DNM3: variants seen among roughly 807,000 people sequenced by gnomAD.
The protein encoded by DNM3 is dynamin-3.
In DNM3, 47 loss-of-function variants were observed where a neutral mutation model predicts 101.6. The observed-to-expected ratio is 0.46, with a 90% confidence interval of 0.37 to 0.59. The LOEUF (loss-of-function observed/expected upper bound fraction) is 0.59. Among genes scored for constraint, DNM3 ranks in the 20% least tolerant of loss-of-function variants. DNM3 has a pLI of 0.00. For synonymous variants in DNM3, 385 were observed against 387.9 expected, an observed-to-expected ratio of 0.99 and a Z score of 0.09; for missense variants, 849 against 1,085.7, an observed-to-expected ratio of 0.78 and a Z score of 3.06.
intron 1 of DNM3, among the ~76,000 whole-genome samples, chr1:171,897,079 A>ATT (rs1015748899): frequency 3.9e-5 from 6 of 152,044 alleles, no homozygotes; most frequent in Non-Finnish European, 8.8e-5. Flanking sequence ...ATATATATAT[A>ATT]TTTTTTAGCA....
intron 4 of DNM3, among the ~76,000 whole-genome samples, chr1:172,009,125 A>ATATAT (rs2046939965): frequency 7.5e-6 from 1 of 133,560 alleles, no homozygotes; most frequent in Admixed American, 8.0e-5. Context: ...ATCATATAAT[A>ATATAT]TATATATTTA....
chr1:171,968,786 G>GA (rs879870630), intron 2 of DNM3, among the ~76,000 whole-genome samples: 1 of 151,612 alleles, frequency 6.6e-6, no homozygotes, highest in Non-Finnish European at 1.5e-5. Context: ...TATACTAAGG[G>GA]AAAAAAAATG....
chr1:171,927,112 T>C (rs1188742974), intron 2 of DNM3, among the ~76,000 whole-genome samples: 3 of 152,210 alleles, frequency 2.0e-5, no homozygotes, highest in Non-Finnish European at 4.4e-5. Context: ...AAATTATCTC[T>C]ATTTGAAGAT....
At chr1:171,851,432 CAG>C (rs149121001) in intron 1 of DNM3, among the ~76,000 whole-genome samples, 2,215 of 152,238 alleles carry the variant, frequency 0.015, 58 homozygotes, top group African/African-American at 0.048. Context: ...TTTTTTGAGA[CAG>C]AGTCTCGCTC....
intron 1 of DNM3, among the ~76,000 whole-genome samples, chr1:171,899,565 G>A (rs2038119407): frequency 6.6e-6 from 1 of 152,164 alleles, no homozygotes; most frequent in South Asian, 2.1e-4. Context: ...TTTCCTAAAT[G>A]AAATAATATT....
intron 14 of DNM3, among the ~76,000 whole-genome samples, chr1:172,164,775 C>A (rs1172834235): frequency 6.6e-6 from 1 of 152,020 alleles, no homozygotes; most frequent in East Asian, 1.9e-4. Flanking sequence ...ACCATAGCCA[C>A]TCCTGCTCCT....
At chr1:171,884,366 C>A (rs1438359076) in intron 1 of DNM3, among the ~76,000 whole-genome samples, 1 of 152,284 alleles carries the variant, frequency 6.6e-6, no homozygotes, top group East Asian at 1.9e-4. Flanking sequence ...ATGCTGGACC[C>A]ATTAGGATTA....
intron 17 of DNM3, among the ~76,000 whole-genome samples, 188 bp from the exon 18 acceptor site, chr1:172,378,830 T>C (rs2068744142): frequency 6.6e-6 from 1 of 152,000 alleles, no homozygotes; most frequent in South Asian, 2.1e-4. Flanking sequence ...AGGCTAAAAA[T>C]TGAGTAATAA....
chr1:172,212,859 G>A (rs542685537), intron 14 of DNM3, among the ~76,000 whole-genome samples: 1 of 152,074 alleles, frequency 6.6e-6, no homozygotes, highest in Non-Finnish European at 1.5e-5. Context: ...AGTGCTTTTT[G>A]ACTGATGTAC....
intron 13 of DNM3, among the ~76,000 whole-genome samples, chr1:172,097,937 G>A (rs1388348544): frequency 6.6e-6 from 1 of 152,142 alleles, no homozygotes; most frequent in East Asian, 1.9e-4. Context: ...AAGGGAGGGA[G>A]TGTACGAATA....
intron 1 of DNM3, among the ~76,000 whole-genome samples, chr1:171,868,758 A>G (rs2034999152): frequency 6.6e-6 from 1 of 152,182 alleles, no homozygotes; most frequent in Non-Finnish European, 1.5e-5. Context: ...GAGAAGGAAC[A>G]AAGATGCTTC....
intron 15 of DNM3, among the ~76,000 whole-genome samples, chr1:172,268,587 G>A (rs979550162): frequency 2.0e-5 from 3 of 151,948 alleles, no homozygotes; most frequent in Admixed American, 6.6e-5. Context: ...CAAAATTCTC[G>A]GCCCATTTGG....
intron 11 of DNM3, among the ~76,000 whole-genome samples, chr1:172,073,210 T>TA (rs1377482229): frequency 6.6e-6 from 1 of 151,888 alleles, no homozygotes; most frequent in African/African-American, 2.4e-5. Context: ...CATGTACATA[T>TA]ATGTATGTAT....
chr1:172,086,705 G>T (rs1359271980), intron 12 of DNM3, among the ~76,000 whole-genome samples: 1 of 152,108 alleles, frequency 6.6e-6, no homozygotes, highest in Non-Finnish European at 1.5e-5. Context: ...CAGCTTAGTG[G>T]TGACCTATGG....
chr1:172,049,708 T>C (rs1445675295), intron 10 of DNM3, among the ~76,000 whole-genome samples: 1 of 152,144 alleles, frequency 6.6e-6, no homozygotes, highest in Admixed American at 6.6e-5. Flanking sequence ...ATAATTCTGT[T>C]TTTGTTAGTT....
rs948495606 is a variant in DNM3, at chr1:172,412,459, C to A, written c.*4618C>A. 31 of 985,494 alleles carry A rather than the reference C, an allele frequency of 3.1e-5. No homozygotes were observed. Among genetic ancestry groups the A allele is most frequent in the African/African-American group, 3.5e-5 (2 of 57,170 alleles). The allele number at this position is 985,494 out of a possible 1,614,324, so 61.0% of individuals were successfully genotyped here. ...TTTCCCTTTTTTGGGTCAAATTTTT[C>A]TTTTGCTTTGTTTGAAGAAGGAATA... On this transcript the variant is annotated 3_prime_UTR_variant, in exon 21 of 21. Coordinates refer to ENST00000627582, the MANE Select transcript of DNM3 (RefSeq NM_015569.5).
chr1:172,265,015 T>C (rs902019621), intron 15 of DNM3, among the ~76,000 whole-genome samples: 1 of 152,136 alleles, frequency 6.6e-6, no homozygotes, highest in Non-Finnish European at 1.5e-5. Context: ...TACTGTAAGA[T>C]CATACAAATT....
At chr1:172,315,021 C>T (rs561162565) in intron 16 of DNM3, among the ~76,000 whole-genome samples, 1,642 of 152,090 alleles carry the variant, frequency 0.011, 29 homozygotes, top group African/African-American at 0.037. Context: ...CTCACACGGC[C>T]GGGTACTCCT....
chr1:172,243,820 T>G (rs1434399850), intron 14 of DNM3, among the ~76,000 whole-genome samples: 4 of 152,332 alleles, frequency 2.6e-5, no homozygotes, highest in Admixed American at 1.3e-4. Context: ...GATGCATAGT[T>G]TATACTTTGA....
Sources: gnomAD v4.1 joint callset for allele counts (sites outside exome capture counted in the v4.1 genomes callset) on GRCh38, gnomAD v4.1.1 for gene constraint, MANE v1.5 for transcripts, NCBI Gene and HGNC (gene_info 2026-07-23, HGNC 2026-07-21) for gene names.